CTIF: variants seen among roughly 807,000 people sequenced by gnomAD.
CTIF encodes the protein CBP80/20-dependent translation initiation factor.
Under a neutral mutation model 66.0 loss-of-function variants are expected in CTIF, and 21 were observed. The observed-to-expected ratio is 0.32, with a 90% CI of 0.23 to 0.46. CTIF has a LOEUF of 0.46. Ranked by LOEUF, CTIF falls within the 20% of genes least tolerant of loss-of-function variation. The probability of loss-of-function intolerance (pLI) is 1.00; values close to 1 mark genes in which losing one functional copy is unlikely to be tolerated. For synonymous variants in CTIF, 345 were observed against 326.4 expected (o/e 1.06, Z -0.62); for missense variants, 739 against 812.7 (o/e 0.91, Z 1.10).
At chr18:48,750,885 A>G (rs1228743189) in intron 7 of CTIF, among the ~76,000 whole-genome samples, 2 of 152,188 alleles carry the variant, frequency 1.3e-5, no homozygotes, top group Non-Finnish European at 2.9e-5. Context: ...AAGCTGCCCT[A>G]CACTCTCAGA....
intron 7 of CTIF, among the ~76,000 whole-genome samples, chr18:48,736,407 G>C (rs572594738): frequency 6.6e-6 from 1 of 152,212 alleles, no homozygotes; most frequent in Non-Finnish European, 1.5e-5. Flanking sequence ...GCTGCACTGA[G>C]TGGAAGCCAG....
rs956601992 is a variant in CTIF at position 48,748,251 on chromosome 18, A to G, written c.585-9668A>G. Among the ~76,000 whole-genome samples, 6 of 152,080 alleles carry G rather than the reference A, an allele frequency of 3.9e-5. No homozygotes were observed. In the East Asian group the frequency reaches 1.2e-3, roughly 29 times the overall value. On this transcript the variant is annotated intron_variant, in intron 7 of 11. Coordinates refer to ENST00000256413, the MANE Select transcript of CTIF (RefSeq NM_014772.3). ...CTGCTCAACCTCTCCCAAGGGGGAA[A>G]GGCTCCCCTAGGGTTGCTGTGAGGA... is the stretch of plus-strand genomic sequence containing the variant.
intron 2 of CTIF, among the ~76,000 whole-genome samples, chr18:48,623,277 G>A (rs1056025055): frequency 1.4e-4 from 22 of 152,252 alleles, no homozygotes; most frequent in African/African-American, 5.3e-4. Flanking sequence ...GAAGAATGCA[G>A]ACACCTGGCA....
At chr18:48,552,320 C>T (rs1013371203) in intron 1 of CTIF, among the ~76,000 whole-genome samples, 3 of 152,220 alleles carry the variant, frequency 2.0e-5, no homozygotes, top group Admixed American at 6.5e-5. Context: ...GACGGGTTCT[C>T]TGAACTGTGC....
In CTIF at chr18:48,761,956, T is replaced by G. The variant is rs1909044784; in HGVS notation, c.1371+267T>G. Among the ~76,000 whole-genome samples the G allele has an allele frequency of 6.6e-6, 1 of 152,220 alleles. No individual in the cohort carries two copies. The highest frequency in any genetic ancestry group is 6.5e-5 in the Admixed American group (1 of 15,288). ...TATGTTTAACCAGCCTTTCCCACTT[T>G]CTATTTTCATAAGAGGCTGGCTCTT... On this transcript the variant is annotated intron_variant, in intron 9 of 11. Transcript: ENST00000256413. This position sits in a 1 kb window ranked among gnomAD's most constrained non-coding sequence, Gnocchi z 4.2.
intron 10 of CTIF, among the ~76,000 whole-genome samples, chr18:48,833,939 C>A (rs898389504): frequency 2.0e-5 from 3 of 152,232 alleles, no homozygotes; most frequent in Non-Finnish European, 4.4e-5. Flanking sequence ...CAGAGCAGGA[C>A]TCTCTCAGAT....
intron 10 of CTIF, among the ~76,000 whole-genome samples, chr18:48,855,152 C>T (rs746513400): frequency 5.3e-5 from 8 of 152,140 alleles, no homozygotes; most frequent in African/African-American, 9.7e-5. Context: ...GTGCTGCTTT[C>T]GAAGTGCCAC....
rs995789400 is a variant in CTIF, at chr18:48,862,388, A to ATTGT, written c.*2832_*2835dup. ...CACTGCCTGTCAGGATGAGTTAGTC[A>ATTGT]TTGTTTTTCTCCGAGGCGGCCTGCT... On this transcript the variant is annotated 3_prime_UTR_variant, in exon 12 of 12. Coordinates refer to ENST00000256413, the MANE Select transcript of CTIF (RefSeq NM_014772.3). 2 of 152,522 alleles carry ATTGT rather than the reference A, an allele frequency of 1.3e-5. No homozygotes were observed. Among genetic ancestry groups the ATTGT allele is most frequent in the African/African-American group, 2.4e-5 (1 of 41,406 alleles). 9.4% of individuals were successfully genotyped at this position (152,522 alleles called of 1,614,324 possible).
chr18:48,647,458 G>A lies in CTIF; in HGVS notation c.252+10773G>A, dbSNP rs772871619. Among the ~76,000 whole-genome samples, 75 of 152,216 alleles carry A rather than the reference G, an allele frequency of 4.9e-4. 1 individual carries two copies. The highest frequency in any genetic ancestry group is 7.3e-5 in the Non-Finnish European group (5 of 68,038). On this transcript the variant is annotated intron_variant, in intron 3 of 11. Transcript: ENST00000256413. ...CTGGGAAGGATCGTATTAAGAGGAT[G>A]AAGAGACAAGTTACATTGTGGCATT...
intron 5 of CTIF, among the ~76,000 whole-genome samples, chr18:48,670,410 T>C (rs1423785188): frequency 6.6e-6 from 1 of 152,168 alleles, no homozygotes; most frequent in Non-Finnish European, 1.5e-5. Context: ...GCTTAGCTTC[T>C]CTGCCTGGAA....
chr18:48,601,186 C>G (rs1250907958), intron 1 of CTIF, among the ~76,000 whole-genome samples: 1 of 152,174 alleles, frequency 6.6e-6, no homozygotes, highest in African/African-American at 2.4e-5. Context: ...TTTGTAGAAG[C>G]AAAGAGGACC....
At chr18:48,557,290 C>A (rs1021943021) in intron 1 of CTIF, among the ~76,000 whole-genome samples, 7 of 152,194 alleles carry the variant, frequency 4.6e-5, no homozygotes, top group African/African-American at 1.7e-4. Flanking sequence ...GGGGCTGGAA[C>A]TCAGGCTGGT....
At chr18:48,695,035 T>C (rs961793186) in intron 6 of CTIF, among the ~76,000 whole-genome samples, 3 of 152,204 alleles carry the variant, frequency 2.0e-5, no homozygotes, top group African/African-American at 7.2e-5. Context: ...GACCACACAC[T>C]TGTCAGGGAG....
At chr18:48,839,049 C>A (rs972967423) in intron 10 of CTIF, among the ~76,000 whole-genome samples, 6 of 152,254 alleles carry the variant, frequency 3.9e-5, no homozygotes, top group African/African-American at 1.4e-4. Context: ...CACCAACCGC[C>A]ACCCTGCTGC....
Position 48,860,254 on chromosome 18 carries a change from T to C in CTIF, c.*695T>C. The C allele has an allele frequency of 9.7e-6, 3 of 308,794 alleles. No individual in the cohort carries two copies. Among genetic ancestry groups the C allele is most frequent in the South Asian group, 6.0e-5 (2 of 33,420 alleles). The allele number at this position is 308,794 out of a possible 1,614,324, so 19.1% of individuals were successfully genotyped here. On this transcript the variant is annotated 3_prime_UTR_variant, in exon 12 of 12. Transcript: ENST00000256413. ...GTTCCACTTGCACTCTTTTGTTTAT[T>C]GTGTTTTATTTTTCAAAAGTCGGTT...
chr18:48,579,123 C>CTTATTA lies in CTIF; in HGVS notation c.-29+39826_-29+39831dup, dbSNP rs138970367. ...CAGGAGTGCAGTGGTATACTCATAG[C>CTTATTA]TTATTATTATTATTATTATTTTGAC... is the stretch of plus-strand genomic sequence containing the variant. On this transcript the variant is annotated intron_variant, in intron 1 of 11. Transcript: ENST00000256413. Among the ~76,000 whole-genome samples the CTTATTA allele has an allele frequency of 9.2e-5, 14 of 151,802 alleles. 1 individual carries two copies. The highest frequency in any genetic ancestry group is 7.9e-4 in the Admixed American group (12 of 15,270).
chr18:48,681,231 A>AG (rs1410511031), intron 6 of CTIF, among the ~76,000 whole-genome samples: 1 of 152,182 alleles, frequency 6.6e-6, no homozygotes, highest in Non-Finnish European at 1.5e-5. Flanking sequence ...CTATACAGCC[A>AG]GGGGGGCTGG....
chr18:48,727,070 G>GCACACACACACACA lies in CTIF; in HGVS notation c.584+15397_584+15410dup, dbSNP rs35188197. 3.8e-4 allele frequency among the ~76,000 whole-genome samples: 55 copies of GCACACACACACACA among 144,590 alleles called. 1 individual carries two copies. The highest frequency in any genetic ancestry group is 1.4e-3 in the African/African-American group (53 of 39,030). 94.9% of individuals were successfully genotyped at this position (144,590 alleles called of 152,430 possible). A position where few individuals can be genotyped will look rare whatever the true frequency, so the allele number is the denominator to read the frequency against. ...TGAGATTTAAGGAGGCAAGTTAGCT[G>GCACACACACACACA]CACACACACACACACACACACACAC... is the stretch of plus-strand genomic sequence containing the variant. On this transcript the variant is annotated intron_variant, in intron 7 of 11. Coordinates refer to ENST00000256413, the MANE Select transcript of CTIF (RefSeq NM_014772.3).
Position 48,862,856 on chromosome 18 carries a change from G to A in CTIF, c.*3297G>A, listed in dbSNP as rs1488068993. ...AGTCTGTTTTCTGGCATCAGACACC[G>A]GCCCGTGTTCCTTGTCAGACAGACA... On this transcript the variant is annotated 3_prime_UTR_variant, in exon 12 of 12. Coordinates refer to ENST00000256413, the MANE Select transcript of CTIF (RefSeq NM_014772.3). 1.3e-5 allele frequency: 2 copies of A among 152,252 alleles called. No individual in the cohort carries two copies. Among genetic ancestry groups the A allele is most frequent in the East Asian group, 1.9e-4 (1 of 5,194 alleles). 9.4% of individuals were successfully genotyped at this position (152,252 alleles called of 1,614,324 possible).
Sources: allele counts gnomAD v4.1 joint callset (sites outside exome capture counted in the v4.1 genomes callset), GRCh38; gene constraint gnomAD v4.1.1; non-coding constraint Gnocchi (gnomAD v3.1); transcripts MANE v1.5; gene names NCBI Gene and HGNC (gene_info 2026-07-23, HGNC 2026-07-21).